The following GEMIN5 variants were observed in gnomAD, a reference collection of about 807,000 sequenced individuals.
GEMIN5 encodes gem-associated protein 5.
GEMIN5 carries 124 observed loss-of-function variants against 176.9 expected under a neutral mutation model. The observed-to-expected ratio is 0.70, with a 90% CI of 0.61 to 0.81. The LOEUF is 0.81. GEMIN5 is among the 40% of genes least tolerant of loss of function. GEMIN5 has a pLI of 0.00. For missense variants in GEMIN5, 1,843 were observed against 1,814.6 expected (o/e 1.02, Z -0.28); for synonymous variants, 673 against 665.2 (o/e 1.01, Z -0.18).
At chr5:154,892,337 G>C (rs1213975050) in intron 25 of GEMIN5, 50 bp downstream of exon 25, 4 of 1,439,498 alleles carry the variant, frequency 2.8e-6, no homozygotes. Context: ...ACTAATGGTG[G>C]TGATGTTGTC....
In GEMIN5 at chr5:154,896,326, A is replaced by C; in HGVS notation, c.3363T>G (p.Phe1121Leu). Reference sequence around the variant, plus strand: ...GCCTGGACAGTAGCTCCAGAAGGCAAAACACCAATCTCTGACCCTGGAACA... The same window carrying C: ...GCCTGGACAGTAGCTCCAGAAGGCACAACACCAATCTCTGACCCTGGAACA... ...HESLQGQRLVFCLLELLSRHL... is the reference protein window; with the variant it reads ...HESLQGQRLVLCLLELLSRHL... The change falls in exon 24 of 28, where the codon TTT becomes TTG. Residue 1121 changes from phenylalanine (F) to leucine (L), a missense_variant. Transcript: ENST00000285873. The C allele has an allele frequency of 6.3e-7, 1 of 1,589,576 alleles. No homozygotes were observed.
At chr5:154,936,070 T>C (rs1764262561) in intron 2 of GEMIN5, 48 bp from the exon 3 acceptor site, 3 of 1,175,856 alleles carry the variant, frequency 2.6e-6, no homozygotes, top group Non-Finnish European at 2.4e-6. Flanking sequence ...GAAGTTCTAC[T>C]TAATTTTTAA....
Position 154,901,484 on chromosome 5 carries a change from C to T in GEMIN5, c.2869G>A (p.Gly957Ser). The T allele has an allele frequency of 6.2e-7, 1 of 1,612,762 alleles. No homozygotes were observed. The highest frequency in any genetic ancestry group is 1.1e-5 in the South Asian group (1 of 90,764). The change falls in exon 21 of 28, where the codon GGC becomes AGC. Residue 957 changes from glycine (G) to serine (S), a missense_variant and splice_region_variant. Physicochemically the swap from Gly to Ser is moderately conservative, Grantham distance 56. Coordinates refer to ENST00000285873, the MANE Select transcript of GEMIN5 (RefSeq NM_015465.5). ...DNLVAMAPAA[G>S]YHVWLWAVEA... The stretch of plus-strand genomic sequence containing the variant: ...ACAGCCCATAGCCACACATGGTAGC[C>T]AGCTGAAAAAATAAAAGATGGTGGT...
intron 5 of GEMIN5, among the ~76,000 whole-genome samples, chr5:154,929,559 AG>A (rs1764118957): frequency 2.6e-5 from 4 of 152,188 alleles, no homozygotes; most frequent in African/African-American, 9.6e-5. Context: ...AGTAGATCTG[AG>A]GTGGGGTACA....
At chr5:154,933,884 C>T (rs901863355) in intron 3 of GEMIN5, among the ~76,000 whole-genome samples, 1 of 152,090 alleles carries the variant, frequency 6.6e-6, no homozygotes, top group Non-Finnish European at 1.5e-5. Context: ...TCTATCAACC[C>T]TACTACAACA....
At chr5:154,914,090 G>A (rs183656851) in intron 13 of GEMIN5, among the ~76,000 whole-genome samples, 5 of 151,692 alleles carry the variant, frequency 3.3e-5, no homozygotes, top group South Asian at 2.1e-4. Flanking sequence ...GCACGATCTC[G>A]GCTCAATGCA....
intron 14 of GEMIN5, 70 bp from the exon 15 acceptor site, chr5:154,911,968 A>G: frequency 7.1e-7 from 1 of 1,410,864 alleles, no homozygotes; most frequent in African/African-American, 1.4e-5. Flanking sequence ...TATGTTTTCT[A>G]ATTAAAAACA....
intron 1 of GEMIN5, 150 bp downstream of exon 1, chr5:154,937,818 G>T (rs1044465229): frequency 9.5e-6 from 6 of 632,694 alleles, no homozygotes; most frequent in Non-Finnish European, 1.5e-5. Context: ...GAGACCAGAA[G>T]CAACTCAGCT....
chr5:154,896,513 C>T (rs974630546), intron 23 of GEMIN5, among the ~76,000 whole-genome samples, 170 bp from the exon 24 acceptor site: 3 of 152,154 alleles, frequency 2.0e-5, no homozygotes, highest in East Asian at 1.9e-4. Flanking sequence ...ACAAAAGGGG[C>T]GATCTGACAG....
At chr5:154,932,826 A>T (rs1449398213) in intron 3 of GEMIN5, among the ~76,000 whole-genome samples, 2 of 152,166 alleles carry the variant, frequency 1.3e-5, no homozygotes, top group African/African-American at 4.8e-5. Context: ...TGGCCTCCTA[A>T]AGTGATGGGA....
In GEMIN5 at chr5:154,921,450, C is replaced by T. The variant is rs746945065; in HGVS notation, c.1380-25G>A. 37 of 1,044,024 alleles carry T rather than the reference C, an allele frequency of 3.5e-5. No homozygotes were observed. In the South Asian group the frequency reaches 4.9e-4, roughly 14 times the overall value. The allele number at this position is 1,044,024 out of a possible 1,614,324, so 64.7% of individuals were successfully genotyped here. On this transcript the variant is annotated intron_variant, in intron 9 of 27. Transcript: ENST00000285873. The stretch of plus-strand genomic sequence containing the variant: ...CCTTTAGAAGAGCAGGGAGAGAGAA[C>T]AAATGGAGATTTAAACAAAAAGGCA...
At chr5:154,917,509 G>A (rs1480704402) in intron 12 of GEMIN5, among the ~76,000 whole-genome samples, 2 of 152,062 alleles carry the variant, frequency 1.3e-5, no homozygotes, top group African/African-American at 2.4e-5. Context: ...TGTTCATCAG[G>A]CATTAATGAC....
chr5:154,892,294 T>A, intron 25 of GEMIN5, 93 bp downstream of exon 25: 1 of 1,035,352 alleles, frequency 9.7e-7, no homozygotes. Context: ...AATCTCCATC[T>A]TTTAAGAATC....
chr5:154,889,679 GCC>G, intron 26 of GEMIN5, among the ~76,000 whole-genome samples: 1 of 152,024 alleles, frequency 6.6e-6, no homozygotes, highest in African/African-American at 2.4e-5. Context: ...GCTTCCCTTA[GCC>G]CCTGTCAACA....
intron 11 of GEMIN5, among the ~76,000 whole-genome samples, chr5:154,918,373 C>T (rs1385636617): frequency 1.3e-5 from 2 of 152,200 alleles, no homozygotes; most frequent in East Asian, 3.9e-4. Context: ...CCCTTCAAAG[C>T]TTCTTTCCCT....
rs184936710 is a variant in GEMIN5 at position 154,908,038 on chromosome 5, G to C, written c.2168-220C>G. On this transcript the variant is annotated intron_variant, in intron 15 of 27. Transcript: ENST00000285873. ...TGCCCAATAACACCCAAATATTTTA[G>C]TGTGTGTCTTATGAACAGGACATGC... 1.6e-3 allele frequency among the ~76,000 whole-genome samples: 248 copies of C among 152,062 alleles called. 1 individual carries two copies. Among genetic ancestry groups the C allele is most frequent in the African/African-American group, 5.7e-3 (235 of 41,482 alleles).
At chr5:154,893,430 ATC>A (rs1763281830) in intron 24 of GEMIN5, among the ~76,000 whole-genome samples, 1 of 152,000 alleles carries the variant, frequency 6.6e-6, no homozygotes. Context: ...AAAAAAAAAA[ATC>A]AAAACCCACC....
chr5:154,915,360 T>C (rs1369619914), intron 13 of GEMIN5, among the ~76,000 whole-genome samples: 2 of 152,184 alleles, frequency 1.3e-5, no homozygotes, highest in African/African-American at 4.8e-5. Context: ...AACAATTTAG[T>C]GTCAGATTAT....
chr5:154,936,069 C>T (rs1477325728), intron 2 of GEMIN5, 47 bp from the exon 3 acceptor site: 1 of 1,200,636 alleles, frequency 8.3e-7, no homozygotes, highest in South Asian at 1.4e-5. Flanking sequence ...TGAAGTTCTA[C>T]TTAATTTTTA....
Sources: allele counts gnomAD v4.1 joint callset (sites outside exome capture counted in the v4.1 genomes callset), GRCh38; gene constraint gnomAD v4.1.1; transcripts MANE v1.5; gene names NCBI Gene and HGNC (gene_info 2026-07-23, HGNC 2026-07-21).